Variants in GYG1 observed in about 807,000 individuals in gnomAD.
The protein encoded by GYG1 is glycogenin-1.
In GYG1, 44 loss-of-function variants were observed where a neutral mutation model predicts 41.9. The observed-to-expected ratio is 1.05, with a 90% CI of 0.83 to 1.35. The LOEUF (loss-of-function observed/expected upper bound fraction) is 1.35. Ranked by LOEUF, GYG1 falls within the 40% of genes most tolerant of loss-of-function variation. The pLI is 0.00. For synonymous variants in GYG1, 141 were observed against 158.1 expected, an observed-to-expected ratio of 0.89 and a Z score of 0.81; for missense variants, 429 against 418.9, an observed-to-expected ratio of 1.02 and a Z score of -0.21.
intron 5 of GYG1, among the ~76,000 whole-genome samples, chr3:149,014,145 A>G (rs958790238): frequency 4.6e-5 from 7 of 151,554 alleles, no homozygotes; most frequent in African/African-American, 7.3e-5. Context: ...CAGTGGTTGC[A>G]CAGATGTCTT....
At chr3:149,005,989 T>C (rs1713380288) in intron 4 of GYG1, among the ~76,000 whole-genome samples, 2 of 152,200 alleles carry the variant, frequency 1.3e-5, no homozygotes, top group Admixed American at 1.3e-4. Context: ...CTTTTGGTTT[T>C]TATGCAACTT....
chr3:149,026,012 T>TAAGG (rs1297459686), intron 6 of GYG1, among the ~76,000 whole-genome samples: 7 of 152,188 alleles, frequency 4.6e-5, no homozygotes, highest in African/African-American at 1.7e-4. Context: ...TGGAAGGACT[T>TAAGG]CCTTATGTTG....
intron 7 of GYG1, 69 bp from the exon 8 acceptor site, chr3:149,026,691 A>T: frequency 1.6e-6 from 2 of 1,244,288 alleles, no homozygotes; most frequent in Non-Finnish European, 2.4e-6. Flanking sequence ...TTCTGTCTTC[A>T]ATTTATTGCA....
At chr3:149,015,012 TCACA>T (rs1713939008) in intron 5 of GYG1, among the ~76,000 whole-genome samples, 2 of 152,170 alleles carry the variant, frequency 1.3e-5, no homozygotes, top group African/African-American at 4.8e-5. Context: ...TTAGGGAATT[TCACA>T]TAAAACCCAG....
intron 5 of GYG1, among the ~76,000 whole-genome samples, chr3:149,014,889 T>G (rs1481653014): frequency 6.9e-6 from 1 of 145,298 alleles, no homozygotes; most frequent in South Asian, 2.2e-4. Context: ...AAAAAAGGCA[T>G]AACTTCCTCA....
intron 5 of GYG1, among the ~76,000 whole-genome samples, chr3:149,015,114 A>G (rs1713947894): frequency 6.6e-6 from 1 of 152,328 alleles, no homozygotes; most frequent in Non-Finnish European, 1.5e-5. Context: ...GACTGGAATG[A>G]TAGAGTTGCC....
At chr3:149,008,231 T>G (rs963528242) in intron 4 of GYG1, 1 of 152,256 alleles carries the variant, frequency 6.6e-6, no homozygotes, top group Non-Finnish European at 1.5e-5. Flanking sequence ...TTTTTGATTC[T>G]TTTTGTCCTG....
intron 5 of GYG1, among the ~76,000 whole-genome samples, chr3:149,013,558 T>A (rs746199279): frequency 6.6e-6 from 1 of 152,252 alleles, no homozygotes; most frequent in South Asian, 2.1e-4. Flanking sequence ...TACTTGAGTT[T>A]AGATATGACT....
In GYG1 at chr3:149,027,690, A is replaced by G. The variant is rs2107926059; in HGVS notation, c.*757A>G. 6.6e-6 allele frequency: 1 copy of G among 152,374 alleles called. No homozygotes were observed. Among genetic ancestry groups the G allele is most frequent in the Admixed American group, 6.5e-5 (1 of 15,304 alleles). The allele number at this position is 152,374 out of a possible 1,614,324, so 9.4% of individuals were successfully genotyped here. ...CCATACACCCTTGAACAAATCTATT[A>G]GGGAATTTTTCACAATTTTTGGAAT... On this transcript the variant is annotated 3_prime_UTR_variant, in exon 8 of 8. Coordinates refer to ENST00000345003, the MANE Select transcript of GYG1 (RefSeq NM_004130.4).
intron 1 of GYG1, 48 bp downstream of exon 1, chr3:148,991,695 TG>T: frequency 7.1e-7 from 1 of 1,414,716 alleles, no homozygotes; most frequent in Non-Finnish European, 9.6e-7. Flanking sequence ...CCCGGCTTCC[TG>T]CCCAGCCGCC....
At position 148,994,280 on chromosome 3, in the gene GYG1, G is replaced by T. The variant is rs370652040; in HGVS notation, c.143+3G>T. On this transcript the variant is annotated splice_donor_region_variant and intron_variant, in intron 2 of 7. Transcript: ENST00000345003. ...CCTCAGGTCTCAGACTCCATGAGGTGAGGACCTCGCTGCCACCCCAGCATC... is the reference window on the plus strand; with the variant it reads ...CCTCAGGTCTCAGACTCCATGAGGTTAGGACCTCGCTGCCACCCCAGCATC... The T allele has an allele frequency of 1.9e-6, 3 of 1,613,884 alleles. No individual in the cohort carries two copies. In the East Asian group the frequency reaches 6.7e-5, roughly 36 times the overall value.
At chr3:148,995,760 G>A (rs7631567) in intron 2 of GYG1, among the ~76,000 whole-genome samples, 149,641 of 152,342 alleles carry the variant, frequency 0.98, 73,501 homozygotes, top group East Asian at 1. Flanking sequence ...CCCGTGCTCA[G>A]TTTAGTGTCT....
At position 148,991,558 on chromosome 3, in the gene GYG1, G is replaced by C; in HGVS notation, c.-83G>C. The stretch of plus-strand genomic sequence containing the variant: ...GCTCGGTTCCCCGCCGTGCCTCCTC[G>C]CTGGCCGCGCTCCCTCCCGGTGCCG... On this transcript the variant is annotated 5_prime_UTR_variant, in exon 1 of 8. Transcript: ENST00000345003. 6.6e-7 allele frequency: 1 copy of C among 1,523,618 alleles called. No individual in the cohort carries two copies. Among genetic ancestry groups the C allele is most frequent in the Non-Finnish European group, 8.8e-7 (1 of 1,139,038 alleles). The allele number at this position is 1,523,618 out of a possible 1,614,324, so 94.4% of individuals were successfully genotyped here.
At position 149,024,331 on chromosome 3, in the gene GYG1, A is replaced by G. The variant is rs2107922161; in HGVS notation, c.828+59A>G. The G allele has an allele frequency of 9.0e-6, 9 of 995,488 alleles. 1 individual carries two copies. In the South Asian group the frequency reaches 1.1e-4, roughly 13 times the overall value. 61.7% of individuals were successfully genotyped at this position (995,488 alleles called of 1,614,324 possible). ...TGCTGCTTTTTAAAAAAATTGTTGT[A>G]TCAATAGAGATGTGGAATATTTAGC... On this transcript the variant is annotated intron_variant, in intron 6 of 7. Transcript: ENST00000345003.
chr3:148,994,478 G>A (rs138329324), intron 2 of GYG1, among the ~76,000 whole-genome samples: 78 of 151,556 alleles, frequency 5.1e-4, no homozygotes, highest in African/African-American at 1.8e-3. Context: ...ATTCTTTTCT[G>A]GAAGGTGTTA....
At chr3:149,004,242 G>C (rs1713271584) in intron 4 of GYG1, among the ~76,000 whole-genome samples, 1 of 152,168 alleles carries the variant, frequency 6.6e-6, no homozygotes, top group African/African-American at 2.4e-5. Context: ...CATGTTTGTT[G>C]GCTCTGAGAT....
At chr3:149,011,783 A>G (rs1713746969) in intron 5 of GYG1, among the ~76,000 whole-genome samples, 1 of 152,168 alleles carries the variant, frequency 6.6e-6, no homozygotes, top group Admixed American at 6.5e-5. Context: ...ATGAGTGCTA[A>G]TTTTGGAAAT....
At chr3:149,023,235 A>G (rs1714465091) in intron 5 of GYG1, among the ~76,000 whole-genome samples, 1 of 152,216 alleles carries the variant, frequency 6.6e-6, no homozygotes, top group Non-Finnish European at 1.5e-5. Context: ...ACTTCTGCTC[A>G]TATTGCATTA....
chr3:149,002,562 C>T (rs1039815165), intron 4 of GYG1, among the ~76,000 whole-genome samples: 11 of 152,158 alleles, frequency 7.2e-5, no homozygotes, highest in African/African-American at 1.7e-4. Context: ...CTCCAAGTGC[C>T]TGGATTTCCA....
Sources: allele counts gnomAD v4.1 joint callset (sites outside exome capture counted in the v4.1 genomes callset), GRCh38; gene constraint gnomAD v4.1.1; transcripts MANE v1.5; gene names NCBI Gene and HGNC (gene_info 2026-07-23, HGNC 2026-07-21).